Variants in ITGA1 observed in about 807,000 individuals in gnomAD.
ITGA1 encodes the protein integrin alpha-1.
ITGA1 carries 85 observed loss-of-function variants against 145.9 expected under a neutral mutation model. The ratio of observed to expected loss-of-function variants is 0.58; its 90% confidence interval spans 0.49 to 0.70. ITGA1 has a LOEUF of 0.70. Among genes scored for constraint, ITGA1 ranks in the 30% least tolerant of loss-of-function variants. ITGA1 has a pLI of 0.00. For synonymous variants in ITGA1, 520 were observed against 495.3 expected (o/e 1.05, Z -0.66); for missense variants, 1,351 against 1,418.7 (o/e 0.95, Z 0.77).
At chr5:52,800,400 G>A (rs1561211512) in intron 1 of ITGA1, 4 of 1,613,888 alleles carry the variant, frequency 2.5e-6, no homozygotes, top group Non-Finnish European at 3.4e-6. Flanking sequence ...TGGCCATGAA[G>A]CTCGTGAGGA....
intron 1 of ITGA1, among the ~76,000 whole-genome samples, chr5:52,798,030 T>G (rs762556399): frequency 3.1e-4 from 47 of 152,196 alleles, no homozygotes; most frequent in Admixed American, 1.4e-3. Context: ...CCTCATTCTC[T>G]CTCTCTTTCT....
chr5:52,927,544 C>T (rs1750830199), intron 19 of ITGA1, 40 bp from the exon 20 acceptor site: 1 of 1,391,772 alleles, frequency 7.2e-7, no homozygotes, highest in Non-Finnish European at 1.0e-6. Flanking sequence ...AATATTTCAC[C>T]TGCTTGTCCA....
chr5:52,811,303 C>T (rs1331683453), intron 1 of ITGA1, among the ~76,000 whole-genome samples: 1 of 152,092 alleles, frequency 6.6e-6, no homozygotes, highest in Non-Finnish European at 1.5e-5. Context: ...GAGTTGGTTT[C>T]TTCATCTGCA....
chr5:52,796,931 C>T (rs564075019), intron 1 of ITGA1, among the ~76,000 whole-genome samples: 17 of 152,012 alleles, frequency 1.1e-4, no homozygotes, highest in African/African-American at 3.6e-4. Context: ...AGGTAGCAAA[C>T]GAGAAAGTTC....
At chr5:52,932,832 GTCTTATGTGATCCTCATGATAACACTA>G (rs1218768633) in intron 22 of ITGA1, 4 of 152,024 alleles carry the variant, frequency 2.6e-5, no homozygotes, top group African/African-American at 9.7e-5. Context: ...TTTGTGTTCT[GTCTTATGTGATCCTCATGATAACACTA>G]TGGTTCAAAT....
intron 1 of ITGA1, among the ~76,000 whole-genome samples, chr5:52,831,193 C>T (rs190177241): frequency 6.6e-5 from 10 of 151,950 alleles, no homozygotes; most frequent in Admixed American, 1.3e-4. Flanking sequence ...TGGGCAATAA[C>T]GAAATCTTGG....
intron 1 of ITGA1, among the ~76,000 whole-genome samples, chr5:52,805,269 C>A (rs1748567764): frequency 6.6e-6 from 1 of 152,098 alleles, no homozygotes; most frequent in African/African-American, 2.4e-5. Context: ...GAAACAATTA[C>A]AAAGCTGAAG....
chr5:52,884,897 T>A (rs1025249232), intron 7 of ITGA1, among the ~76,000 whole-genome samples: 3 of 152,114 alleles, frequency 2.0e-5, no homozygotes, highest in African/African-American at 7.2e-5. Context: ...TCCCACAGAT[T>A]AACGGCTCAG....
chr5:52,874,234 G>C (rs190134262), intron 6 of ITGA1, among the ~76,000 whole-genome samples: 208 of 152,212 alleles, frequency 1.4e-3, no homozygotes, highest in Non-Finnish European at 9.8e-4. Context: ...ACAAGAGGCA[G>C]CCTCGCTTTG....
At chr5:52,910,887 T>C (rs1003824772) in intron 14 of ITGA1, among the ~76,000 whole-genome samples, 13 of 137,562 alleles carry the variant, frequency 9.5e-5, no homozygotes, top group African/African-American at 3.6e-4. Context: ...ATGGTATGTA[T>C]ACTATATATA....
intron 21 of ITGA1, among the ~76,000 whole-genome samples, chr5:52,930,481 A>G (rs1750878535): frequency 6.6e-6 from 1 of 152,166 alleles, no homozygotes; most frequent in Non-Finnish European, 1.5e-5. Context: ...TCATAGGGTA[A>G]GTATTACAGT....
At chr5:52,809,406 C>T (rs1297466440) in intron 1 of ITGA1, among the ~76,000 whole-genome samples, 2 of 151,854 alleles carry the variant, frequency 1.3e-5, no homozygotes, top group Non-Finnish European at 2.9e-5. Flanking sequence ...TTTAAACTGG[C>T]AAGTTCCAGA....
rs1210656423 is a variant in ITGA1, at chr5:52,954,976, G to A, written c.*2525G>A. The A allele has an allele frequency of 6.6e-6, 1 of 152,060 alleles. No individual in the cohort carries two copies. 9.4% of individuals were successfully genotyped at this position (152,060 alleles called of 1,614,324 possible). ...AAAACATTTAATTAGAAAAACAGGT[G>A]ATATTTAAGACTATTTATAAACTTA... On this transcript the variant is annotated 3_prime_UTR_variant, in exon 29 of 29. Coordinates refer to ENST00000282588, the MANE Select transcript of ITGA1 (RefSeq NM_181501.2).
At chr5:52,945,077 CTG>C (rs753673156) in intron 27 of ITGA1, 42 bp downstream of exon 27, 5 of 1,407,756 alleles carry the variant, frequency 3.6e-6, no homozygotes, top group Non-Finnish European at 5.0e-6. Flanking sequence ...GCATTTCACT[CTG>C]AATTTTGTGA....
chr5:52,823,890 ATAAAT>A (rs1026110991), intron 1 of ITGA1, among the ~76,000 whole-genome samples: 4 of 152,250 alleles, frequency 2.6e-5, no homozygotes, highest in Admixed American at 2.0e-4. Flanking sequence ...AGCTTTACAA[ATAAAT>A]TAAACATATT....
At chr5:52,858,275 A>G (rs1181961896) in intron 2 of ITGA1, among the ~76,000 whole-genome samples, 3 of 152,216 alleles carry the variant, frequency 2.0e-5, no homozygotes, top group Non-Finnish European at 4.4e-5. Flanking sequence ...GCTGACTATG[A>G]GAACATTCAT....
intron 6 of ITGA1, among the ~76,000 whole-genome samples, chr5:52,872,415 G>C (rs542642326): frequency 6.6e-6 from 1 of 151,866 alleles, no homozygotes; most frequent in Non-Finnish European, 1.5e-5. Context: ...TCCGAAGTGA[G>C]TTCAGAACAT....
At chr5:52,794,820 C>T (rs906913786) in intron 1 of ITGA1, among the ~76,000 whole-genome samples, 5 of 151,822 alleles carry the variant, frequency 3.3e-5, no homozygotes, top group Non-Finnish European at 5.9e-5. Context: ...TAAACAATTG[C>T]GTTTATCACT....
At chr5:52,891,468 T>A (rs918836857) in intron 8 of ITGA1, among the ~76,000 whole-genome samples, 5 of 151,606 alleles carry the variant, frequency 3.3e-5, no homozygotes, top group African/African-American at 1.2e-4. Context: ...TGTTATCTAT[T>A]TTATAGACCA....
Sources: allele counts gnomAD v4.1 joint callset (sites outside exome capture counted in the v4.1 genomes callset), GRCh38; gene constraint gnomAD v4.1.1; transcripts MANE v1.5; gene names NCBI Gene and HGNC (gene_info 2026-07-23, HGNC 2026-07-21).